Variants in ADGRB3 observed in about 807,000 individuals in gnomAD.
ADGRB3 encodes the protein adhesion G protein-coupled receptor B3, also known as brain-specific angiogenesis inhibitor 3.
ADGRB3 carries 37 observed loss-of-function variants against 193.4 expected under a neutral mutation model. That is an observed-to-expected ratio of 0.19 (90% CI 0.15 to 0.25). ADGRB3 has a LOEUF of 0.25. ADGRB3 is among the 10% of genes least tolerant of loss of function. The pLI is 1.00. For synonymous variants in ADGRB3, 690 were observed against 644.2 expected, an observed-to-expected ratio of 1.07 and a Z score of -1.08; for missense variants, 1,637 against 1,852.9, an observed-to-expected ratio of 0.88 and a Z score of 2.14.
intron 17 of ADGRB3, among the ~76,000 whole-genome samples, chr6:69,220,828 T>C (rs944254152): frequency 1.3e-5 from 2 of 152,146 alleles, no homozygotes; most frequent in Admixed American, 1.3e-4. Flanking sequence ...TTTAAATACA[T>C]GGCAATGCAT....
At chr6:69,102,237 G>C (rs1423441644) in intron 17 of ADGRB3, among the ~76,000 whole-genome samples, 1 of 149,632 alleles carries the variant, frequency 6.7e-6, no homozygotes, top group Admixed American at 6.6e-5. Flanking sequence ...AATTTGCATA[G>C]TCACTTTGAA....
intron 21 of ADGRB3, among the ~76,000 whole-genome samples, chr6:69,326,807 G>C (rs570623169): frequency 6.6e-5 from 10 of 152,092 alleles, no homozygotes; most frequent in African/African-American, 2.4e-4. Context: ...ACAAGAAGAG[G>C]AGAAACAGAA....
intron 4 of ADGRB3, among the ~76,000 whole-genome samples, chr6:68,931,600 CA>C (rs1309270666): frequency 6.6e-6 from 1 of 152,032 alleles, no homozygotes; most frequent in East Asian, 1.9e-4. Context: ...AGTACATGAC[CA>C]GTTTCCTGAC....
chr6:69,023,351 A>G (rs541502980), intron 13 of ADGRB3, among the ~76,000 whole-genome samples: 1 of 152,276 alleles, frequency 6.6e-6, no homozygotes, highest in South Asian at 2.1e-4. Context: ...GTTGTTCTGT[A>G]TAAGGATCAA....
intron 17 of ADGRB3, among the ~76,000 whole-genome samples, chr6:69,095,833 C>T (rs921115602): frequency 2.0e-5 from 3 of 152,142 alleles, no homozygotes; most frequent in African/African-American, 7.2e-5. Context: ...ACACACAACC[C>T]TCTTGCTTGT....
chr6:69,124,182 A>G (rs1773793227), intron 17 of ADGRB3, among the ~76,000 whole-genome samples: 1 of 152,064 alleles, frequency 6.6e-6, no homozygotes, highest in Admixed American at 6.5e-5. Flanking sequence ...GTCCAAATGA[A>G]TGTCTTTTTT....
intron 3 of ADGRB3, among the ~76,000 whole-genome samples, chr6:68,816,351 A>G (rs1020891423): frequency 1.7e-5 from 2 of 116,650 alleles, no homozygotes; most frequent in Non-Finnish European, 3.6e-5. Context: ...ATGTAGAGTT[A>G]TTAGAAAATA....
intron 11 of ADGRB3, among the ~76,000 whole-genome samples, chr6:68,995,928 A>T (rs1769371739): frequency 6.6e-6 from 1 of 152,052 alleles, no homozygotes; most frequent in African/African-American, 2.4e-5. Flanking sequence ...ACTTCCCACA[A>T]TTTTATACAA....
intron 3 of ADGRB3, among the ~76,000 whole-genome samples, chr6:68,746,350 C>T (rs1362340917): frequency 6.6e-6 from 1 of 151,836 alleles, no homozygotes; most frequent in Admixed American, 6.6e-5. Flanking sequence ...CCTTAATTTA[C>T]TTATCCCTTT....
intron 3 of ADGRB3, among the ~76,000 whole-genome samples, chr6:68,815,224 A>T (rs908455904): frequency 6.6e-6 from 1 of 152,124 alleles, no homozygotes; most frequent in African/African-American, 2.4e-5. Context: ...TTGAGTGTTC[A>T]ATGGGGAGTT....
intron 17 of ADGRB3, among the ~76,000 whole-genome samples, chr6:69,152,541 C>T (rs141377400): frequency 5.5e-4 from 83 of 152,246 alleles, no homozygotes; most frequent in African/African-American, 1.9e-3. Flanking sequence ...TAGTGACTTG[C>T]CCCTCATCAC....
intron 11 of ADGRB3, among the ~76,000 whole-genome samples, chr6:68,999,496 C>G (rs1388548819): frequency 6.6e-6 from 1 of 152,130 alleles, no homozygotes; most frequent in African/African-American, 2.4e-5. Flanking sequence ...CATCTCCTGA[C>G]CTCGTGATCT....
At chr6:69,098,646 G>T (rs1772951312) in intron 17 of ADGRB3, among the ~76,000 whole-genome samples, 1 of 152,128 alleles carries the variant, frequency 6.6e-6, no homozygotes, top group Admixed American at 6.6e-5. Context: ...AACACCCCAT[G>T]ATCCAAATGC....
intron 3 of ADGRB3, among the ~76,000 whole-genome samples, chr6:68,646,487 A>G (rs10945135): frequency 0.26 from 37,753 of 147,074 alleles, 6,071 homozygotes; most frequent in Non-Finnish European, 0.36. Context: ...AAAAAAAAAA[A>G]AAAAAAGAAA....
intron 3 of ADGRB3, among the ~76,000 whole-genome samples, chr6:68,860,529 C>T (rs1358567211): frequency 6.6e-6 from 1 of 152,162 alleles, no homozygotes; most frequent in Non-Finnish European, 1.5e-5. Flanking sequence ...GGATAATGGC[C>T]TCCCACTCCA....
intron 11 of ADGRB3, among the ~76,000 whole-genome samples, chr6:69,007,362 G>C (rs1168511229): frequency 6.6e-6 from 1 of 152,000 alleles, no homozygotes; most frequent in African/African-American, 2.4e-5. Flanking sequence ...TCATGTAATA[G>C]AACCACTGTG....
chr6:69,213,575 A>G (rs961014440), intron 17 of ADGRB3, among the ~76,000 whole-genome samples: 3 of 152,194 alleles, frequency 2.0e-5, no homozygotes, highest in African/African-American at 7.2e-5. Flanking sequence ...TTCCATATTT[A>G]TCACAGGCTT....
At chr6:69,220,700 G>A (rs772819844) in intron 17 of ADGRB3, among the ~76,000 whole-genome samples, 1 of 152,030 alleles carries the variant, frequency 6.6e-6, no homozygotes, top group Admixed American at 6.6e-5. Flanking sequence ...TGTTAATTAC[G>A]CCATTGAGGG....
At chr6:68,901,745 G>C (rs1439742245) in intron 3 of ADGRB3, among the ~76,000 whole-genome samples, 1 of 152,032 alleles carries the variant, frequency 6.6e-6, no homozygotes, top group East Asian at 1.9e-4. Context: ...AAAAATTCTT[G>C]TAAAATAATC....
Sources: allele counts gnomAD v4.1 joint callset (sites outside exome capture counted in the v4.1 genomes callset), GRCh38; gene constraint gnomAD v4.1.1; transcripts MANE v1.5; gene names NCBI Gene and HGNC (gene_info 2026-07-23, HGNC 2026-07-21).